ADK: variants seen among roughly 807,000 people sequenced by gnomAD.
ADK encodes N6,N6-dimethyladenosine kinase.
Under a neutral mutation model 44.7 loss-of-function variants are expected in ADK, and 24 were observed. The ratio of observed to expected loss-of-function variants is 0.54; its 90% CI spans 0.39 to 0.76. The LOEUF is 0.76. Ranked by LOEUF, ADK falls within the 30% of genes least tolerant of loss-of-function variation. The probability of loss-of-function intolerance (pLI) is 0.00; values close to 1 mark genes in which losing one functional copy is unlikely to be tolerated. For synonymous variants in ADK, 128 were observed against 142.6 expected (o/e 0.90, Z 0.73); for missense variants, 321 against 425.1 (o/e 0.76, Z 2.15).
chr10:74,437,276 C>T (rs900755517), intron 6 of ADK, among the ~76,000 whole-genome samples: 47 of 152,050 alleles, frequency 3.1e-4, no homozygotes, highest in Non-Finnish European at 6.8e-4. Flanking sequence ...TCATAGGTTT[C>T]TTAGTTAGAT....
intron 6 of ADK, among the ~76,000 whole-genome samples, chr10:74,524,608 G>A (rs1848967914): frequency 6.6e-6 from 1 of 152,176 alleles, no homozygotes; most frequent in Non-Finnish European, 1.5e-5. Flanking sequence ...GCCCAAGCTG[G>A]TTTGGAACTC....
chr10:74,696,070 G>C (rs573539371), intron 10 of ADK, among the ~76,000 whole-genome samples: 34 of 152,036 alleles, frequency 2.2e-4, no homozygotes, highest in African/African-American at 8.2e-4. Context: ...ACCCAGGCTG[G>C]AATACAGTGG....
chr10:74,500,134 G>T (rs1339780090), intron 6 of ADK, among the ~76,000 whole-genome samples: 1 of 152,196 alleles, frequency 6.6e-6, no homozygotes, highest in Non-Finnish European at 1.5e-5. Flanking sequence ...CAGAACTGTT[G>T]TGTCAGGCCA....
chr10:74,604,709 T>A lies in ADK; in HGVS notation c.877+4216T>A, dbSNP rs189396993. ...AGCATGATGCCTCCAGCTTTGTTCTTTTTGCTTAGGATTGTCTTGGCTATA... is the reference window on the plus strand; with the variant it reads ...AGCATGATGCCTCCAGCTTTGTTCTATTTGCTTAGGATTGTCTTGGCTATA... On this transcript the variant is annotated intron_variant, in intron 9 of 10. Coordinates refer to ENST00000539909, the MANE Select transcript of ADK (RefSeq NM_006721.4). Among the ~76,000 whole-genome samples the A allele has an allele frequency of 2.6e-3, 398 of 152,300 alleles. 4 individuals carry two copies. The highest frequency in any genetic ancestry group is 9.2e-3 in the African/African-American group (381 of 41,562).
At position 74,375,783 on chromosome 10, in the gene ADK, G is replaced by A. The variant is rs79916279; in HGVS notation, c.274-18358G>A. Among the ~76,000 whole-genome samples the A allele has an allele frequency of 2.2e-4, 33 of 152,216 alleles. No individual in the cohort carries two copies. In the East Asian group the frequency reaches 6.4e-3, roughly 29 times the overall value. The stretch of plus-strand genomic sequence containing the variant: ...TCAGTATTTTTCTTTGTAGTAGTTG[G>A]TGTATGTGCCAAAGTTAGAAAATCT... On this transcript the variant is annotated intron_variant, in intron 4 of 10. Coordinates refer to ENST00000539909, the MANE Select transcript of ADK (RefSeq NM_006721.4).
intron 6 of ADK, among the ~76,000 whole-genome samples, chr10:74,503,533 G>A (rs959704333): frequency 6.6e-6 from 1 of 152,174 alleles, no homozygotes; most frequent in African/African-American, 2.4e-5. Context: ...GGTTTACAAA[G>A]TAATGAGAGT....
intron 2 of ADK, among the ~76,000 whole-genome samples, chr10:74,207,246 A>G (rs1316285305): frequency 6.6e-6 from 1 of 152,174 alleles, no homozygotes. Context: ...ACCAGAAACC[A>G]CAGAGCCCCA....
intron 4 of ADK, among the ~76,000 whole-genome samples, chr10:74,326,910 A>T (rs1168670992): frequency 1.3e-5 from 2 of 150,858 alleles, no homozygotes; most frequent in Non-Finnish European, 3.0e-5. Context: ...TTCTCACTTT[A>T]TTATTTGTGT....
intron 6 of ADK, among the ~76,000 whole-genome samples, chr10:74,443,696 A>G (rs1245386482): frequency 6.6e-6 from 1 of 152,192 alleles, no homozygotes; most frequent in Non-Finnish European, 1.5e-5. Context: ...TATGTGAATT[A>G]GATCTCAATA....
chr10:74,247,051 C>T (rs774122178), intron 3 of ADK, among the ~76,000 whole-genome samples: 35 of 151,626 alleles, frequency 2.3e-4, no homozygotes, highest in Middle Eastern at 3.4e-3. Context: ...GTAAAGTGGT[C>T]CTGAGATGAA....
intron 10 of ADK, among the ~76,000 whole-genome samples, chr10:74,699,176 G>A (rs1329952663): frequency 7.4e-6 from 1 of 134,852 alleles, no homozygotes. Context: ...TTTAATACCT[G>A]CAAGCCACAT....
chr10:74,368,428 G>T (rs1842560733), intron 4 of ADK, among the ~76,000 whole-genome samples: 1 of 145,462 alleles, frequency 6.9e-6, no homozygotes, highest in African/African-American at 2.5e-5. Context: ...CTTTTGCAGT[G>T]TTTTTTTTTT....
At chr10:74,292,635 C>G (rs897214659) in intron 3 of ADK, among the ~76,000 whole-genome samples, 1 of 152,158 alleles carries the variant, frequency 6.6e-6, no homozygotes, top group African/African-American at 2.4e-5. Flanking sequence ...TTATCCTTCT[C>G]GTTATTCAGG....
intron 3 of ADK, among the ~76,000 whole-genome samples, chr10:74,278,875 TA>T (rs1458542799): frequency 6.6e-6 from 1 of 152,252 alleles, no homozygotes; most frequent in Non-Finnish European, 1.5e-5. Context: ...TTTTGCTTTT[TA>T]TATGTCTTTT....
chr10:74,393,105 A>G (rs577941933), intron 4 of ADK, among the ~76,000 whole-genome samples: 2 of 152,204 alleles, frequency 1.3e-5, no homozygotes, highest in East Asian at 3.9e-4. Flanking sequence ...TCTCATTCTT[A>G]CAGTTCTGTC....
At chr10:74,518,238 A>G (rs1367360191) in intron 6 of ADK, among the ~76,000 whole-genome samples, 1 of 152,244 alleles carries the variant, frequency 6.6e-6, no homozygotes, top group African/African-American at 2.4e-5. Context: ...TTCAGAACAG[A>G]CGACAGTGAT....
At chr10:74,271,683 A>AT (rs1438934471) in intron 3 of ADK, among the ~76,000 whole-genome samples, 1 of 148,070 alleles carries the variant, frequency 6.8e-6, no homozygotes, top group Non-Finnish European at 1.5e-5. Flanking sequence ...TGTCCTTGTG[A>AT]TAGTTTACTG....
chr10:74,636,888 A>G (rs1853638208), intron 9 of ADK, among the ~76,000 whole-genome samples: 1 of 152,226 alleles, frequency 6.6e-6, no homozygotes, highest in African/African-American at 2.4e-5. Flanking sequence ...AGAAGAGTAG[A>G]GCATGGTGAA....
chr10:74,273,469 T>C (rs1591967015), intron 3 of ADK, among the ~76,000 whole-genome samples: 1 of 152,044 alleles, frequency 6.6e-6, no homozygotes, highest in Non-Finnish European at 1.5e-5. Context: ...CTTTTTTTTT[T>C]TCTTTGAGAT....
Sources: gnomAD v4.1 joint callset for allele counts (sites outside exome capture counted in the v4.1 genomes callset) on GRCh38, gnomAD v4.1.1 for gene constraint, MANE v1.5 for transcripts, NCBI Gene and HGNC (gene_info 2026-07-23, HGNC 2026-07-21) for gene names.